ZNF414: variants seen among roughly 807,000 people sequenced by gnomAD.
ZNF414 encodes the protein zinc finger protein 414.
ZNF414 carries 32 observed loss-of-function variants against 38.3 expected under a neutral mutation model. The observed-to-expected ratio is 0.83, with a 90% CI of 0.63 to 1.12. ZNF414 has a LOEUF of 1.12. Among genes scored for constraint, ZNF414 ranks in the 50% most tolerant of loss-of-function variants. The pLI, the probability that ZNF414 is intolerant of heterozygous loss-of-function variation, is 0.00. For synonymous variants in ZNF414, 256 were observed against 248.0 expected, an observed-to-expected ratio of 1.03 and a Z score of -0.30; for missense variants, 589 against 557.4, an observed-to-expected ratio of 1.06 and a Z score of -0.57.
At position 8,510,562 on chromosome 19, in the gene ZNF414, G is replaced by A; in HGVS notation, c.*129C>T. The A allele has an allele frequency of 9.2e-7, 1 of 1,084,150 alleles. No homozygotes were observed. Among genetic ancestry groups the A allele is most frequent in the Middle Eastern group, 3.0e-4 (1 of 3,376 alleles). The allele number at this position is 1,084,150 out of a possible 1,614,324, so 67.2% of individuals were successfully genotyped here. A position where few individuals can be genotyped will look rare whatever the true frequency, so the allele number is the denominator to read the frequency against. On this transcript the variant is annotated 3_prime_UTR_variant, in exon 8 of 8. Transcript: ENST00000393927. ...GCCCACTATGCTTTGGATGGACAAG[G>A]GATGGGAACACAGCATAGGCTGGCT...
chr19:8,513,442 G>C (rs893328431), intron 1 of ZNF414, 101 bp from the exon 2 acceptor site: 2 of 1,160,048 alleles, frequency 1.7e-6, no homozygotes, highest in Non-Finnish European at 2.4e-6. Flanking sequence ...AGGGGAATAC[G>C]TAAGGGTGGA....
In ZNF414 at chr19:8,511,693, G is replaced by C; in HGVS notation, c.798C>G (p.Pro266=). The part of the protein sequence containing the change: ...YLNPAPFGLS[P]PRLRPFLAAA... ...CGGCCAGGAAGGGGCGCAGGCGCGGGGGGCTTAGGCCAAAGGGCGCAGGGT... is the reference window on the plus strand; with the variant it reads ...CGGCCAGGAAGGGGCGCAGGCGCGGCGGGCTTAGGCCAAAGGGCGCAGGGT... Residue 266 remains proline, a synonymous_variant, in exon 5 of 8, where the codon CCC becomes CCG. Coordinates refer to ENST00000393927, the MANE Select transcript of ZNF414 (RefSeq NM_001146175.2). The C allele has an allele frequency of 6.7e-7, 1 of 1,493,514 alleles. No homozygotes were observed. The allele number at this position is 1,493,514 out of a possible 1,614,324, so 92.5% of individuals were successfully genotyped here.
Position 8,511,782 on chromosome 19 carries a change from G to A in ZNF414, c.709C>T (p.Pro237Ser). ...GGGGTCGTGAAGGGTTCCAGCAGCG[G>A]GAACGGCAGGCCCGGCGCTGATGCG... Reference protein sequence around the residue: ...DPASAPGLPFPLLEPFTTPAP... With the variant: ...DPASAPGLPFSLLEPFTTPAP... The change falls in exon 5 of 8, where the codon CCG becomes TCG. Residue 237 changes from proline to serine, a missense_variant. Coordinates refer to ENST00000393927, the MANE Select transcript of ZNF414 (RefSeq NM_001146175.2). The A allele has an allele frequency of 2.1e-6, 3 of 1,422,116 alleles. 1 individual carries two copies. The South Asian group carries it at 4.6e-5, about 22-fold the overall frequency. 88.1% of individuals were successfully genotyped at this position (1,422,116 alleles called of 1,614,324 possible). A position where few individuals can be genotyped will look rare whatever the true frequency, so the allele number is the denominator to read the frequency against.
At chr19:8,511,461 C>T (rs1175388871) in intron 6 of ZNF414, 25 bp downstream of exon 6, 4 of 1,609,138 alleles carry the variant, frequency 2.5e-6, no homozygotes, top group African/African-American at 1.3e-5. Flanking sequence ...CCCTCCACCC[C>T]TCCCTGGTGG....
Position 8,510,646 on chromosome 19 carries a change from A to T in ZNF414, c.*45T>A. ...CCTTCCCTGCAGCCCCCTCCAAATG[A>T]CAAAACTACCCACATCCCATGGCCC... On this transcript the variant is annotated 3_prime_UTR_variant, in exon 8 of 8. Transcript: ENST00000393927. The T allele has an allele frequency of 7.4e-7, 1 of 1,353,632 alleles. No homozygotes were observed. The highest frequency in any genetic ancestry group is 1.0e-6 in the Non-Finnish European group (1 of 993,378). The allele number at this position is 1,353,632 out of a possible 1,614,324, so 83.9% of individuals were successfully genotyped here.
chr19:8,511,624 C>A lies in ZNF414; in HGVS notation c.867G>T (p.Lys289Asn). 6.6e-7 allele frequency: 1 copy of A among 1,515,254 alleles called. No individual in the cohort carries two copies. The highest frequency in any genetic ancestry group is 8.8e-7 in the Non-Finnish European group (1 of 1,135,406). 93.9% of individuals were successfully genotyped at this position (1,515,254 alleles called of 1,614,324 possible). The change falls in exon 5 of 8, where the codon AAG becomes AAT. Residue 289 changes from lysine to asparagine, a missense_variant. Transcript: ENST00000393927. ...PPASSAAVWK[K>N]SQGAGSSPRR... Reference sequence around the variant, plus strand: ...CCCCGACCCCACACTCACCTTGGCTCTTTTTCCAGACGGCGGCGCTGGAAG... The same window carrying A: ...CCCCGACCCCACACTCACCTTGGCTATTTTTCCAGACGGCGGCGCTGGAAG...
At chr19:8,512,825 C>T (rs1811350725) in intron 2 of ZNF414, 114 bp from the exon 3 acceptor site, 3 of 1,202,556 alleles carry the variant, frequency 2.5e-6, no homozygotes, top group Non-Finnish European at 2.3e-6. Flanking sequence ...TTACTCTCTG[C>T]CTACCACAAC....
At position 8,513,101 on chromosome 19, in the gene ZNF414, T is replaced by G; in HGVS notation, c.244A>C (p.Ser82Arg). 1 of 1,533,846 alleles carries G rather than the reference T, an allele frequency of 6.5e-7. No homozygotes were observed. Among genetic ancestry groups the G allele is most frequent in the Non-Finnish European group, 8.8e-7 (1 of 1,142,246 alleles). Residue 82 changes from serine to arginine, a missense_variant, in exon 2 of 8, where the codon AGC (serine) becomes CGC (arginine). Physicochemically the swap from Ser to Arg is moderately radical, Grantham distance 110 (BLOSUM62 -1). Transcript: ENST00000393927. ...PDSCQPGPGP[S>R]PGLTSIVSGT... ...GAGACTATGCTGGTCAGGCCAGGGC[T>G]GGGTCCGGGGCCAGGCTGGCAGCTG... is the stretch of plus-strand genomic sequence containing the variant.
Position 8,512,362 on chromosome 19 carries a change from G to A in ZNF414, c.530+25C>T, listed in dbSNP as rs115511144. ...ACATAGGGTGAGGCTAGGGCAGGGC[G>A]GAGCTCAAGAGGTCAGGGTCTCACT... On this transcript the variant is annotated intron_variant, in intron 4 of 7. Transcript: ENST00000393927. The A allele has an allele frequency of 1.4e-4, 232 of 1,611,454 alleles. No individual in the cohort carries two copies. The African/African-American group carries it at 2.7e-3, about 19-fold the overall frequency.
rs960209941 is a variant in ZNF414 at position 8,514,061 on chromosome 19, G to A, written c.-15C>T. ...GCGCTCACCATCTTCGACACGGCTC[G>A]GCCTCTTGTTTCTGCGGCTCCGGCG... On this transcript the variant is annotated 5_prime_UTR_variant, in exon 1 of 8. Transcript: ENST00000393927. 2.7e-6 allele frequency: 4 copies of A among 1,476,862 alleles called. No homozygotes were observed. The highest frequency in any genetic ancestry group is 2.6e-5 in the South Asian group (2 of 76,864). The allele number at this position is 1,476,862 out of a possible 1,614,324, so 91.5% of individuals were successfully genotyped here.
Position 8,510,589 on chromosome 19 carries a change from A to G in ZNF414, c.*102T>C. ...ATGGGAACACAGCATAGGCTGGCTC[A>G]TGGCGCCTTCTTTATTGTCCACCCC... On this transcript the variant is annotated 3_prime_UTR_variant, in exon 8 of 8. Transcript: ENST00000393927. 7.6e-7 allele frequency: 1 copy of G among 1,313,584 alleles called. No homozygotes were observed. The allele number at this position is 1,313,584 out of a possible 1,614,324, so 81.4% of individuals were successfully genotyped here. A position where few individuals can be genotyped will look rare whatever the true frequency, so the allele number is the denominator to read the frequency against.
rs764033116 is a variant in ZNF414, at chr19:8,511,838, G to A, written c.653C>T (p.Pro218Leu). Residue 218 changes from proline (P) to leucine (L), a missense_variant, in exon 5 of 8, where the codon CCC becomes CTC. Pro to Leu is a moderately conservative substitution (Grantham distance 98). Transcript: ENST00000393927. ...AACCTCCGGGGGGCGCTCCGGCGCG[G>A]GCGGCTCTCGGTCCAGGGCCGGGGG... ...PPPPALDREPPAPERPPEVDP... is the reference protein window; with the variant it reads ...PPPPALDREPLAPERPPEVDP... 21 of 1,400,170 alleles carry A rather than the reference G, an allele frequency of 1.5e-5. No individual in the cohort carries two copies. The South Asian group carries it at 2.6e-4, about 18-fold the overall frequency. 86.7% of individuals were successfully genotyped at this position (1,400,170 alleles called of 1,614,324 possible).
At position 8,511,624 on chromosome 19, in the gene ZNF414, CT is replaced by C. The variant is rs1296746627; in HGVS notation, c.866del (p.Lys289ArgfsTer52). The C allele has an allele frequency of 4.6e-6, 7 of 1,515,240 alleles. No individual in the cohort carries two copies. The highest frequency in any genetic ancestry group is 6.2e-6 in the Non-Finnish European group (7 of 1,135,396). 93.9% of individuals were successfully genotyped at this position (1,515,240 alleles called of 1,614,324 possible). Reference protein sequence around the residue: ...PPASSAAVWKKSQGAGSSPRR... With the variant: ...PPASSAAVWKXSQGAGSSPRR... ...CCCCGACCCCACACTCACCTTGGCT[CT>C]TTTTCCAGACGGCGGCGCTGGAAGC... On this transcript the variant is annotated frameshift_variant, in exon 5 of 8. Coordinates refer to ENST00000393927, the MANE Select transcript of ZNF414 (RefSeq NM_001146175.2). LOFTEE classifies it high-confidence loss of function.
In ZNF414 at chr19:8,511,666, A is replaced by G; in HGVS notation, c.825T>C (p.Ala275=). 6.7e-7 allele frequency: 1 copy of G among 1,503,222 alleles called. No homozygotes were observed. The highest frequency in any genetic ancestry group is 1.4e-5 in the African/African-American group (1 of 71,022). The allele number at this position is 1,503,222 out of a possible 1,614,324, so 93.1% of individuals were successfully genotyped here. ...CGCTGGAAGCCGGCGGCCCGGGTGCAGCGGCCAGGAAGGGGCGCAGGCGCG... is the reference window on the plus strand; with the variant it reads ...CGCTGGAAGCCGGCGGCCCGGGTGCGGCGGCCAGGAAGGGGCGCAGGCGCG... ...SPPRLRPFLA[A]APGPPASSAA... Residue 275 remains alanine (A), a synonymous_variant, in exon 5 of 8, where the codon GCT becomes GCC. Transcript: ENST00000393927.
rs1568323203 is a variant in ZNF414 at position 8,513,031 on chromosome 19, G to C, written c.314C>G (p.Pro105Arg). 1 of 1,459,924 alleles carries C rather than the reference G, an allele frequency of 6.8e-7. No individual in the cohort carries two copies. The highest frequency in any genetic ancestry group is 2.8e-5 in the Admixed American group (1 of 35,272). The allele number at this position is 1,459,924 out of a possible 1,614,324, so 90.4% of individuals were successfully genotyped here. Residue 105 changes from proline (P) to arginine (R), a missense_variant and splice_region_variant, in exon 2 of 8, where the codon CCA becomes CGA. Pro to Arg is a moderately radical substitution (Grantham distance 103, BLOSUM62 -2). Transcript: ENST00000393927. Reference sequence around the variant, plus strand: ...CAGAAGACCCCATCACAGATCACCTGGAGGTGGGCGTCGTCTGGGAGGCCG... The same window carrying C: ...CAGAAGACCCCATCACAGATCACCTCGAGGTGGGCGTCGTCTGGGAGGCCG... The part of the protein sequence containing the change: ...DLRPPRRRPP[P>R]GKQIPCSSPG...
At chr19:8,514,005 G>A (rs755335572) in intron 1 of ZNF414, 39 bp downstream of exon 1, 3 of 1,436,762 alleles carry the variant, frequency 2.1e-6, no homozygotes, top group Admixed American at 2.6e-5. Flanking sequence ...GCCAGTCCCC[G>A]CAGCTCCGCC....
In ZNF414 at chr19:8,513,352, G is replaced by C; in HGVS notation, c.4-11C>G. The C allele has an allele frequency of 6.4e-7, 1 of 1,569,120 alleles. No individual in the cohort carries two copies. The highest frequency in any genetic ancestry group is 1.2e-5 in the South Asian group (1 of 86,820). ...TGAGGGTTTCTCCTCCTGGTGGAAGGAAGAGGCGGAGAGAACCCTTCTGGG... is the reference window on the plus strand; with the variant it reads ...TGAGGGTTTCTCCTCCTGGTGGAAGCAAGAGGCGGAGAGAACCCTTCTGGG... On this transcript the variant is annotated splice_polypyrimidine_tract_variant and intron_variant, in intron 1 of 7. Coordinates refer to ENST00000393927, the MANE Select transcript of ZNF414 (RefSeq NM_001146175.2).
In ZNF414 at chr19:8,513,218, C is replaced by G; in HGVS notation, c.127G>C (p.Glu43Gln). The G allele has an allele frequency of 1.3e-6, 2 of 1,577,204 alleles. No individual in the cohort carries two copies. Among genetic ancestry groups the G allele is most frequent in the Middle Eastern group, 3.3e-4 (2 of 5,996 alleles). The part of the protein sequence containing the change: ...PAAAPSSSMS[E>Q]EPGPEQAATP... Reference sequence around the variant, plus strand: ...GCTGCCTGCTCAGGGCCTGGCTCCTCCGACATGGAGGAGGAAGGGGCTGCA... The same window carrying G: ...GCTGCCTGCTCAGGGCCTGGCTCCTGCGACATGGAGGAGGAAGGGGCTGCA... Residue 43 changes from glutamate (E) to glutamine (Q), a missense_variant, in exon 2 of 8, where the codon GAG becomes CAG. Physicochemically the swap from Glu to Gln is conservative, Grantham distance 29. Coordinates refer to ENST00000393927, the MANE Select transcript of ZNF414 (RefSeq NM_001146175.2).
chr19:8,514,025 AC>A lies in ZNF414; in HGVS notation c.3+18del, dbSNP rs1324431188. 5.5e-6 allele frequency: 8 copies of A among 1,449,934 alleles called. No individual in the cohort carries two copies. Among genetic ancestry groups the A allele is most frequent in the East Asian group, 3.0e-5 (1 of 33,160 alleles). 89.8% of individuals were successfully genotyped at this position (1,449,934 alleles called of 1,614,324 possible). On this transcript the variant is annotated intron_variant, in intron 1 of 7. Transcript: ENST00000393927. ...TCCCCGCAGCTCCGCCGCGCCCGCGACCCCGGTGCCGCGCTCACCATCTTCG... is the reference window on the plus strand; with the variant it reads ...TCCCCGCAGCTCCGCCGCGCCCGCGACCCGGTGCCGCGCTCACCATCTTCG...
Sources: gnomAD v4.1 joint callset for allele counts on GRCh38, gnomAD v4.1.1 for gene constraint, MANE v1.5 for transcripts, NCBI Gene and HGNC (gene_info 2026-07-23, HGNC 2026-07-21) for gene names.